Variants in PPP1R21 observed in about 807,000 individuals in gnomAD.
PPP1R21 encodes the protein protein phosphatase 1 regulatory subunit 21.
A neutral mutation model predicts 112.8 loss-of-function variants in PPP1R21; 85 were observed. The observed-to-expected ratio is 0.75, with a 90% CI of 0.63 to 0.90. The LOEUF (loss-of-function observed/expected upper bound fraction) is 0.90, where lower values mean the gene tolerates loss of function less well. PPP1R21 is among the 40% of genes least tolerant of loss of function. PPP1R21 has a pLI of 0.00. For synonymous variants in PPP1R21, 381 were observed against 322.3 expected, an observed-to-expected ratio of 1.18 and a Z score of -1.95; for missense variants, 1,199 against 901.5, an observed-to-expected ratio of 1.33 and a Z score of -4.23.
chr2:48,459,742 T>C lies in PPP1R21; in HGVS notation c.376-12T>C. On this transcript the variant is annotated splice_polypyrimidine_tract_variant and intron_variant, in intron 4 of 21. Coordinates refer to ENST00000294952, the MANE Select transcript of PPP1R21 (RefSeq NM_001135629.3). ...GATATTGTGAGAAGAGAAAATGGTC[T>C]TCTCTTTTTAGTTTTTTGAAGCTGA... The C allele has an allele frequency of 6.2e-7, 1 of 1,607,034 alleles. No homozygotes were observed. The highest frequency in any genetic ancestry group is 8.5e-7 in the Non-Finnish European group (1 of 1,177,758).
At chr2:48,506,092 C>CTTTA (rs764136068) in intron 18 of PPP1R21, among the ~76,000 whole-genome samples, 4 of 152,102 alleles carry the variant, frequency 2.6e-5, no homozygotes, top group African/African-American at 4.8e-5. Flanking sequence ...TAAGATGTAA[C>CTTTA]TTTATTTATT....
rs944004287 is a variant in PPP1R21, at chr2:48,504,238, T to C, written c.1936-1326T>C. Among the ~76,000 whole-genome samples, 3 of 152,338 alleles carry C rather than the reference T, an allele frequency of 2.0e-5. No individual in the cohort carries two copies. The South Asian group carries it at 6.2e-4, about 32-fold the overall frequency. The stretch of plus-strand genomic sequence containing the variant: ...GGCTCTTCTATTTTAAAAGTTCTTA[T>C]CAAAGACTCTTTTACAGCCAGGTGG... On this transcript the variant is annotated intron_variant, in intron 17 of 21. Coordinates refer to ENST00000294952, the MANE Select transcript of PPP1R21 (RefSeq NM_001135629.3).
chr2:48,474,765 A>G lies in PPP1R21; in HGVS notation c.1171A>G (p.Met391Val), dbSNP rs888055096. 6.2e-7 allele frequency: 1 copy of G among 1,613,686 alleles called. No homozygotes were observed. The highest frequency in any genetic ancestry group is 1.3e-5 in the African/African-American group (1 of 74,922). ...AGAGCTGTCCCAGGACATGAAAAAA[A>G]TGACAGCTGTGTTTGAGAAGCTGCA... ...NLELSQDMKK[M>V]TAVFEKLQTY... is the part of the protein sequence containing the mutation. Residue 391 changes from methionine to valine, a missense_variant, in exon 12 of 22, where the codon ATG becomes GTG. Coordinates refer to ENST00000294952, the MANE Select transcript of PPP1R21 (RefSeq NM_001135629.3).
intron 15 of PPP1R21, among the ~76,000 whole-genome samples, chr2:48,493,594 A>T (rs1193302607): frequency 1.6e-5 from 1 of 61,256 alleles, no homozygotes. Context: ...CTGGAAAAAA[A>T]TACATAAATA....
chr2:48,443,620 C>T (rs753525406), intron 1 of PPP1R21, among the ~76,000 whole-genome samples: 7 of 152,150 alleles, frequency 4.6e-5, no homozygotes, highest in Non-Finnish European at 1.0e-4. Context: ...TTGGACCAGG[C>T]CATTTTTCAT....
intron 2 of PPP1R21, among the ~76,000 whole-genome samples, chr2:48,451,325 T>A (rs1227495702): frequency 1.3e-5 from 2 of 152,242 alleles, no homozygotes; most frequent in Non-Finnish European, 2.9e-5. Context: ...ATTACTCCTG[T>A]GCCTCAAGGC....
chr2:48,460,137 C>T lies in PPP1R21; in HGVS notation c.583C>T (p.Leu195Phe). The change falls in exon 6 of 22, where the codon CTT (leucine) becomes TTT (phenylalanine). Residue 195 changes from leucine to phenylalanine, a missense_variant. Physicochemically the swap from Leu to Phe is conservative, Grantham distance 22. Transcript: ENST00000294952. ...AGAAAAGGAAGCCAAGGAATGTCGA[C>T]TTCGAACGGAAGAATGGTATGTGGA... is the stretch of plus-strand genomic sequence containing the variant. ...TLEKEAKECR[L>F]RTEECQLQLK... The T allele has an allele frequency of 6.2e-7, 1 of 1,614,114 alleles. No individual in the cohort carries two copies. Among genetic ancestry groups the T allele is most frequent in the Non-Finnish European group, 8.5e-7 (1 of 1,180,024 alleles).
chr2:48,497,587 G>A (rs1242056331), intron 16 of PPP1R21, among the ~76,000 whole-genome samples: 1 of 151,308 alleles, frequency 6.6e-6, no homozygotes. Context: ...AATTGTGGTT[G>A]TTGATATTAG....
At chr2:48,477,549 T>C (rs1668813454) in intron 12 of PPP1R21, among the ~76,000 whole-genome samples, 1 of 152,224 alleles carries the variant, frequency 6.6e-6, no homozygotes, top group Admixed American at 6.5e-5. Context: ...TGTAGATATA[T>C]GGATTTATTT....
chr2:48,479,573 G>A (rs192736348), intron 12 of PPP1R21: 3 of 497,054 alleles, frequency 6.0e-6, no homozygotes, highest in Admixed American at 2.3e-5. Context: ...GTGTTTTAGC[G>A]ATGTTCAGCA....
At chr2:48,504,022 C>T (rs180736766) in intron 17 of PPP1R21, among the ~76,000 whole-genome samples, 7 of 152,024 alleles carry the variant, frequency 4.6e-5, no homozygotes, top group Admixed American at 4.6e-4. Flanking sequence ...GTGCTGTACC[C>T]ATTTTCAAAT....
chr2:48,461,092 C>T (rs1667955836), intron 6 of PPP1R21, 46 bp from the exon 7 acceptor site: 1 of 1,545,084 alleles, frequency 6.5e-7, no homozygotes, highest in East Asian at 2.5e-5. Flanking sequence ...AGGATTCACT[C>T]AGTGATTGGT....
At chr2:48,494,613 A>G (rs1349469361) in intron 15 of PPP1R21, among the ~76,000 whole-genome samples, 1 of 151,944 alleles carries the variant, frequency 6.6e-6, no homozygotes, top group Non-Finnish European at 1.5e-5. Context: ...ACGGGGTTTC[A>G]CCATGTTGGT....
intron 15 of PPP1R21, among the ~76,000 whole-genome samples, chr2:48,492,384 T>C (rs1209798865): frequency 6.6e-6 from 1 of 152,194 alleles, no homozygotes; most frequent in Non-Finnish European, 1.5e-5. Context: ...TGTTTCATTT[T>C]GCAATTTGCT....
intron 7 of PPP1R21, among the ~76,000 whole-genome samples, chr2:48,464,057 G>C (rs937179878): frequency 3.9e-5 from 6 of 152,192 alleles, no homozygotes; most frequent in Admixed American, 1.3e-4. Flanking sequence ...AGAGTAAATT[G>C]TAGTGGACTT....
chr2:48,446,972 A>C (rs1275620262), intron 1 of PPP1R21, among the ~76,000 whole-genome samples: 2 of 152,082 alleles, frequency 1.3e-5, no homozygotes, highest in African/African-American at 4.8e-5. Context: ...GCTGGTTTTG[A>C]ACTCCTGACC....
Position 48,465,622 on chromosome 2 carries a change from A to AT in PPP1R21, c.878dup (p.Ser294IlefsTer13). The stretch of plus-strand genomic sequence containing the variant: ...TCCTGTTGATTCTGCCATTGACACT[A>AT]TATCTCCATTGAATCAGAAGGTAAA... On this transcript the variant is annotated frameshift_variant, in exon 9 of 22. Coordinates refer to ENST00000294952, the MANE Select transcript of PPP1R21 (RefSeq NM_001135629.3). LOFTEE classifies it high-confidence loss of function. The AT allele has an allele frequency of 6.2e-7, 1 of 1,612,152 alleles. No homozygotes were observed. Among genetic ancestry groups the AT allele is most frequent in the Non-Finnish European group, 8.5e-7 (1 of 1,179,518 alleles).
rs762752519 is a variant in PPP1R21 at position 48,491,061 on chromosome 2, C to T, written c.1490C>T (p.Ser497Leu). 3.7e-6 allele frequency: 6 copies of T among 1,613,816 alleles called. No individual in the cohort carries two copies. In the Admixed American group the frequency reaches 1.0e-4, roughly 27 times the overall value. The change falls in exon 15 of 22, where the codon TCA becomes TTA. Residue 497 changes from serine to leucine, a missense_variant. Physicochemically the swap from Ser to Leu is moderately radical, Grantham distance 145 (BLOSUM62 -2). Transcript: ENST00000294952. ...AACAATTTGGACTACTTCATTGCTTCACTGAGCTATGGACCTAAGGCAGCG... is the reference window on the plus strand; with the variant it reads ...AACAATTTGGACTACTTCATTGCTTTACTGAGCTATGGACCTAAGGCAGCG... ...FSNNLDYFIA[S>L]LSYGPKAASG... is the part of the protein sequence containing the mutation.
chr2:48,501,402 G>A lies in PPP1R21; in HGVS notation c.1935+2667G>A, dbSNP rs145141632. 3.7e-3 allele frequency among the ~76,000 whole-genome samples: 563 copies of A among 152,306 alleles called. 1 individual carries two copies. Among genetic ancestry groups the A allele is most frequent in the African/African-American group, 0.013 (526 of 41,568 alleles). On this transcript the variant is annotated intron_variant, in intron 17 of 21. Coordinates refer to ENST00000294952, the MANE Select transcript of PPP1R21 (RefSeq NM_001135629.3). Reference sequence around the variant, plus strand: ...TGCTGCTGACAATGACATTGTAATTGTAGAAATCGTGTGCCTGACACAGGT... The same window carrying A: ...TGCTGCTGACAATGACATTGTAATTATAGAAATCGTGTGCCTGACACAGGT...
Sources: allele counts gnomAD v4.1 joint callset (sites outside exome capture counted in the v4.1 genomes callset), GRCh38; gene constraint gnomAD v4.1.1; transcripts MANE v1.5; gene names NCBI Gene and HGNC (gene_info 2026-07-23, HGNC 2026-07-21).